The following GPC6 variants were observed in gnomAD, a reference collection of about 807,000 sequenced individuals.
The protein encoded by GPC6 is glypican 6.
GPC6 carries 14 observed loss-of-function variants against 55.2 expected under a neutral mutation model. The observed-to-expected ratio is 0.25, with a 90% CI of 0.17 to 0.40. The LOEUF (loss-of-function observed/expected upper bound fraction) is 0.40. Ranked by LOEUF, GPC6 falls within the 10% of genes least tolerant of loss-of-function variation. GPC6 has a pLI of 1.00. For missense variants in GPC6, 641 were observed against 708.5 expected, an observed-to-expected ratio of 0.90 and a Z score of 1.08; for synonymous variants, 278 against 259.6, an observed-to-expected ratio of 1.07 and a Z score of -0.68.
At chr13:93,486,984 A>C (rs897653422) in intron 1 of GPC6, among the ~76,000 whole-genome samples, 5 of 151,942 alleles carry the variant, frequency 3.3e-5, no homozygotes, top group Admixed American at 1.3e-4. Context: ...AACACAAAAA[A>C]ACAAAAAAAC....
intron 2 of GPC6, among the ~76,000 whole-genome samples, chr13:93,582,161 A>G (rs1479684966): frequency 3.9e-5 from 6 of 152,234 alleles, no homozygotes; most frequent in Admixed American, 3.3e-4. Flanking sequence ...TTAGTTTTAA[A>G]TAACAATATA....
In GPC6 at chr13:94,405,728, T is replaced by C. The variant is rs1391134499; in HGVS notation, c.*2511T>C. Reference sequence around the variant, plus strand: ...ATCAATATGATTCATATTGATGAGATATAGTGATGCATAATGAGCCAGGCA... The same window carrying C: ...ATCAATATGATTCATATTGATGAGACATAGTGATGCATAATGAGCCAGGCA... On this transcript the variant is annotated 3_prime_UTR_variant, in exon 9 of 9. Coordinates refer to ENST00000377047, the MANE Select transcript of GPC6 (RefSeq NM_005708.5). 1 of 152,150 alleles carries C rather than the reference T, an allele frequency of 6.6e-6. No individual in the cohort carries two copies. The highest frequency in any genetic ancestry group is 1.5e-5 in the Non-Finnish European group (1 of 68,002). The allele number at this position is 152,150 out of a possible 1,614,324, so 9.4% of individuals were successfully genotyped here.
At chr13:93,586,323 G>A (rs1329210006) in intron 2 of GPC6, among the ~76,000 whole-genome samples, 1 of 152,072 alleles carries the variant, frequency 6.6e-6, no homozygotes, top group Non-Finnish European at 1.5e-5. Flanking sequence ...AGTATTCCAT[G>A]GTGTATATGT....
chr13:93,334,978 A>G (rs1309982283), intron 1 of GPC6, among the ~76,000 whole-genome samples: 1 of 152,252 alleles, frequency 6.6e-6, no homozygotes, highest in Non-Finnish European at 1.5e-5. Context: ...CACCTCAAAT[A>G]AATATAATTG....
At chr13:93,641,737 C>A (rs1429308628) in intron 2 of GPC6, among the ~76,000 whole-genome samples, 1 of 151,942 alleles carries the variant, frequency 6.6e-6, no homozygotes, top group East Asian at 1.9e-4. Flanking sequence ...TGGACCCCAG[C>A]ATATTAGTAA....
At chr13:93,797,137 G>C (rs1594465498) in intron 2 of GPC6, among the ~76,000 whole-genome samples, 1 of 82,994 alleles carries the variant, frequency 1.2e-5, no homozygotes, top group African/African-American at 5.6e-5. Flanking sequence ...CATAATTATA[G>C]TTCCCTTTGT....
chr13:93,583,353 T>TGTGTGTGTGC (rs1191702136), intron 2 of GPC6, among the ~76,000 whole-genome samples: 9 of 150,950 alleles, frequency 6.0e-5, no homozygotes, highest in African/African-American at 2.0e-4. Context: ...TGTGTGTGTG[T>TGTGTGTGTGC]GCGCGCGCGC....
At chr13:93,853,696 G>C (rs2139015987) in intron 3 of GPC6, among the ~76,000 whole-genome samples, 1 of 151,756 alleles carries the variant, frequency 6.6e-6, no homozygotes, top group African/African-American at 2.4e-5. Context: ...AAGTAGTATA[G>C]TTGATCAAAT....
intron 4 of GPC6, among the ~76,000 whole-genome samples, chr13:94,212,096 G>A (rs895384476): frequency 3.9e-5 from 6 of 152,096 alleles, no homozygotes; most frequent in Admixed American, 6.6e-5. Flanking sequence ...TCTGCCCATC[G>A]ACTAAACATG....
chr13:93,700,952 T>G (rs1387709435), intron 2 of GPC6, among the ~76,000 whole-genome samples: 1 of 152,124 alleles, frequency 6.6e-6, no homozygotes, highest in East Asian at 1.9e-4. Context: ...GTTTTTTTAT[T>G]TAGGCTTTCA....
At chr13:94,337,469 G>T (rs1188548953) in intron 6 of GPC6, among the ~76,000 whole-genome samples, 2 of 150,452 alleles carry the variant, frequency 1.3e-5, no homozygotes, top group Non-Finnish European at 3.0e-5. Context: ...CTTTTTTGAG[G>T]TGGAGTCTCC....
At chr13:93,936,035 G>A (rs2140358625) in intron 3 of GPC6, among the ~76,000 whole-genome samples, 1 of 152,166 alleles carries the variant, frequency 6.6e-6, no homozygotes, top group Admixed American at 6.5e-5. Flanking sequence ...ATGATACACA[G>A]ACACAAACAA....
At chr13:93,594,962 G>A (rs746256030) in intron 2 of GPC6, among the ~76,000 whole-genome samples, 4 of 151,970 alleles carry the variant, frequency 2.6e-5, no homozygotes, top group African/African-American at 4.8e-5. Context: ...TTTGACATAC[G>A]AATTTGGGGA....
intron 3 of GPC6, among the ~76,000 whole-genome samples, chr13:93,863,665 A>G (rs1325538516): frequency 6.6e-6 from 1 of 151,686 alleles, no homozygotes; most frequent in Non-Finnish European, 1.5e-5. Context: ...TCATGGTGAC[A>G]TCATAAACTT....
chr13:93,611,671 A>G (rs1878466551), intron 2 of GPC6, among the ~76,000 whole-genome samples: 1 of 152,174 alleles, frequency 6.6e-6, no homozygotes, highest in Non-Finnish European at 1.5e-5. Flanking sequence ...TGTGTAGAAC[A>G]AAGTAGTACT....
chr13:94,136,926 C>T (rs772722946), intron 4 of GPC6, among the ~76,000 whole-genome samples: 10 of 151,718 alleles, frequency 6.6e-5, no homozygotes, highest in African/African-American at 1.9e-4. Flanking sequence ...CCATAGTGGG[C>T]GAGTAAAGAT....
chr13:93,502,136 T>C (rs1255217645), intron 1 of GPC6, among the ~76,000 whole-genome samples: 2 of 152,184 alleles, frequency 1.3e-5, no homozygotes, highest in Non-Finnish European at 2.9e-5. Context: ...TTGTGGGAAA[T>C]TGTTACTTTT....
chr13:93,754,306 T>A, intron 2 of GPC6, among the ~76,000 whole-genome samples: 1 of 152,122 alleles, frequency 6.6e-6, no homozygotes, highest in Non-Finnish European at 1.5e-5. Flanking sequence ...TCCATCTAAT[T>A]TAGAATCTTG....
chr13:93,442,801 T>C (rs1335370120), intron 1 of GPC6, among the ~76,000 whole-genome samples: 1 of 151,810 alleles, frequency 6.6e-6, no homozygotes, highest in Non-Finnish European at 1.5e-5. Flanking sequence ...TGTATATATA[T>C]ATTTTTATTA....
Sources: allele counts gnomAD v4.1 joint callset (sites outside exome capture counted in the v4.1 genomes callset), GRCh38; gene constraint gnomAD v4.1.1; transcripts MANE v1.5; gene names NCBI Gene and HGNC (gene_info 2026-07-23, HGNC 2026-07-21).